The following PPM1H variants were observed in gnomAD, a reference collection of about 807,000 sequenced individuals.
The protein encoded by PPM1H is protein phosphatase 1H.
Under a neutral mutation model 54.9 loss-of-function variants are expected in PPM1H, and 27 were observed. That is an observed-to-expected ratio of 0.49 (90% confidence interval 0.36 to 0.68). The LOEUF is 0.68. Ranked by LOEUF, PPM1H falls within the 30% of genes least tolerant of loss-of-function variation. The probability of loss-of-function intolerance (pLI) is 0.00; values close to 1 mark genes in which losing one functional copy is unlikely to be tolerated. For missense variants in PPM1H, 596 were observed against 667.8 expected (o/e 0.89, Z 1.19); for synonymous variants, 305 against 270.8 (o/e 1.13, Z -1.24).
chr12:62,819,753 T>C (rs1393316897), intron 2 of PPM1H, among the ~76,000 whole-genome samples: 7 of 150,382 alleles, frequency 4.7e-5, no homozygotes, highest in Non-Finnish European at 7.4e-5. Context: ...AATTAATTTG[T>C]ATTTTATTTC....
intron 9 of PPM1H, among the ~76,000 whole-genome samples, chr12:62,660,578 A>G (rs1329206742): frequency 6.6e-6 from 1 of 152,234 alleles, no homozygotes; most frequent in Non-Finnish European, 1.5e-5. Flanking sequence ...TGCCAAGAAC[A>G]TACATTGGGG....
chr12:62,654,694 G>C (rs1286343965), intron 9 of PPM1H, among the ~76,000 whole-genome samples: 2 of 152,188 alleles, frequency 1.3e-5, no homozygotes, highest in African/African-American at 2.4e-5. Flanking sequence ...AGCAAGAACT[G>C]AGTTGCTGCA....
At chr12:62,924,130 G>C (rs1167475024) in intron 1 of PPM1H, among the ~76,000 whole-genome samples, 2 of 152,106 alleles carry the variant, frequency 1.3e-5, no homozygotes, top group Admixed American at 1.3e-4. Context: ...AATGATAAAA[G>C]GTTACAGAAT....
At chr12:62,698,927 T>C (rs2076128495) in intron 6 of PPM1H, among the ~76,000 whole-genome samples, 1 of 152,196 alleles carries the variant, frequency 6.6e-6, no homozygotes, top group East Asian at 1.9e-4. Context: ...ACTGACAACT[T>C]CCTGAACTCA....
chr12:62,709,845 C>T (rs553054271), intron 6 of PPM1H, among the ~76,000 whole-genome samples: 21 of 151,972 alleles, frequency 1.4e-4, no homozygotes, highest in Non-Finnish European at 2.7e-4. Context: ...CTGAGGCGGG[C>T]GGATCACCTG....
chr12:62,848,888 G>C (rs538063471), intron 1 of PPM1H, among the ~76,000 whole-genome samples: 1 of 152,080 alleles, frequency 6.6e-6, no homozygotes, highest in Non-Finnish European at 1.5e-5. Flanking sequence ...GGTGGGGTTG[G>C]GGGGGCAGTC....
intron 1 of PPM1H, among the ~76,000 whole-genome samples, chr12:62,898,246 G>A (rs1871056620): frequency 6.6e-6 from 1 of 152,168 alleles, no homozygotes; most frequent in Admixed American, 6.5e-5. Context: ...GGTGAACTCT[G>A]TTTTTTCTTT....
intron 6 of PPM1H, among the ~76,000 whole-genome samples, chr12:62,711,667 C>T (rs1029690633): frequency 3.9e-5 from 6 of 152,132 alleles, no homozygotes; most frequent in African/African-American, 1.4e-4. Flanking sequence ...GATATAAATG[C>T]TGTGAGTGTT....
intron 2 of PPM1H, among the ~76,000 whole-genome samples, chr12:62,817,123 A>AAAAAAAAAAAAAAAAAAAAAAAAAAAAAC (rs2076871602): frequency 8.1e-6 from 1 of 124,076 alleles, no homozygotes; most frequent in African/African-American, 3.5e-5. Flanking sequence ...TACTAAAAAA[A>AAAAAAAAAAAAAAAAAAAAAAAAAAAAAC]AAAAAAAAAA....
chr12:62,672,626 C>T (rs746222048), intron 8 of PPM1H, among the ~76,000 whole-genome samples: 10 of 152,146 alleles, frequency 6.6e-5, no homozygotes, highest in Non-Finnish European at 1.3e-4. Flanking sequence ...CTGTAACAGA[C>T]GATCAACTCC....
intron 3 of PPM1H, 133 bp downstream of exon 3, chr12:62,801,683 T>C (rs562339500): frequency 9.5e-6 from 9 of 951,098 alleles, no homozygotes; most frequent in Non-Finnish European, 1.4e-5. Context: ...GAAGCCCCAT[T>C]ATCACAGGGG....
chr12:62,803,668 G>A (rs1324481595), intron 2 of PPM1H, among the ~76,000 whole-genome samples: 1 of 152,116 alleles, frequency 6.6e-6, no homozygotes, highest in Non-Finnish European at 1.5e-5. Context: ...GATACCCAAA[G>A]CACAGGCAAT....
intron 6 of PPM1H, 85 bp from the exon 7 acceptor site, chr12:62,694,084 T>C (rs1245173076): frequency 5.7e-6 from 7 of 1,218,338 alleles, no homozygotes; most frequent in Non-Finnish European, 7.1e-6. Context: ...GGGATTTCAT[T>C]TTCCCTGAGA....
chr12:62,790,542 A>C (rs2076696402), intron 3 of PPM1H, among the ~76,000 whole-genome samples: 1 of 152,200 alleles, frequency 6.6e-6, no homozygotes, highest in African/African-American at 2.4e-5. Flanking sequence ...ACTGTGCTTT[A>C]GCCGGGGTGA....
Position 62,934,411 on chromosome 12 carries a change from A to C in PPM1H, c.245+81T>G. 7.1e-7 allele frequency: 1 copy of C among 1,407,258 alleles called. No individual in the cohort carries two copies. The highest frequency in any genetic ancestry group is 9.3e-7 in the Non-Finnish European group (1 of 1,080,146). The allele number at this position is 1,407,258 out of a possible 1,614,324, so 87.2% of individuals were successfully genotyped here. A position where few individuals can be genotyped will look rare whatever the true frequency, so the allele number is the denominator to read the frequency against. ...GCTAGTGAGAGCCCTGAGGCCGAGA[A>C]GCAGGGAGAGAAGAGGGCTGGAACC... On this transcript the variant is annotated intron_variant, in intron 1 of 9. Transcript: ENST00000228705. The surrounding 1 kb of genome is among the most constrained non-coding windows in gnomAD (Gnocchi z 4.2).
chr12:62,774,815 T>G (rs2076600170), intron 4 of PPM1H, among the ~76,000 whole-genome samples: 1 of 152,246 alleles, frequency 6.6e-6, no homozygotes, highest in Non-Finnish European at 1.5e-5. Context: ...GAACTGATGT[T>G]GCTAAGCGGA....
intron 1 of PPM1H, among the ~76,000 whole-genome samples, chr12:62,875,560 T>C (rs1268380938): frequency 6.6e-6 from 1 of 152,186 alleles, no homozygotes; most frequent in Non-Finnish European, 1.5e-5. Context: ...TAAAATACCA[T>C]GAATATTTTT....
chr12:62,737,834 T>C (rs931743062), intron 4 of PPM1H, among the ~76,000 whole-genome samples: 1 of 152,166 alleles, frequency 6.6e-6, no homozygotes, highest in African/African-American at 2.4e-5. Flanking sequence ...GCCTTAATGC[T>C]CCAGCCCCAA....
chr12:62,782,721 C>A (rs780840281), intron 4 of PPM1H, among the ~76,000 whole-genome samples: 2 of 152,098 alleles, frequency 1.3e-5, no homozygotes, highest in Non-Finnish European at 2.9e-5. Context: ...AAGTTATAAG[C>A]ACAACAAAAT....
Sources: gnomAD v4.1 joint callset for allele counts (sites outside exome capture counted in the v4.1 genomes callset) on GRCh38, gnomAD v4.1.1 for gene constraint, Gnocchi (gnomAD v3.1) non-coding constraint, MANE v1.5 for transcripts, NCBI Gene and HGNC (gene_info 2026-07-23, HGNC 2026-07-21) for gene names.